The following MAGI1 variants were observed in gnomAD, a reference collection of about 807,000 sequenced individuals.
MAGI1 encodes the protein membrane-associated guanylate kinase, WW and PDZ domain-containing protein 1.
A neutral mutation model predicts 139.9 loss-of-function variants in MAGI1; 58 were observed. That is an observed-to-expected ratio of 0.41 (90% confidence interval 0.34 to 0.52). The LOEUF is 0.52. MAGI1 is among the 20% of genes least tolerant of loss of function. MAGI1 has a pLI of 0.12. For synonymous variants in MAGI1, 812 were observed against 737.9 expected, an observed-to-expected ratio of 1.10 and a Z score of -1.63; for missense variants, 1,874 against 1,901.6, an observed-to-expected ratio of 0.99 and a Z score of 0.27.
intron 1 of MAGI1, among the ~76,000 whole-genome samples, chr3:65,872,033 G>A (rs866638093): frequency 1.3e-5 from 2 of 152,170 alleles, no homozygotes; most frequent in South Asian, 4.1e-4. Flanking sequence ...CTACTAACCA[G>A]TTGTGTAACC....
At chr3:65,836,004 T>C (rs756201559) in intron 1 of MAGI1, among the ~76,000 whole-genome samples, 69 of 152,170 alleles carry the variant, frequency 4.5e-4, no homozygotes, top group Non-Finnish European at 7.6e-4. Context: ...AGCTGGGGGT[T>C]ACCTGCTCAA....
chr3:65,751,823 A>C (rs2036176391), intron 1 of MAGI1, among the ~76,000 whole-genome samples: 1 of 152,234 alleles, frequency 6.6e-6, no homozygotes, highest in Non-Finnish European at 1.5e-5. Flanking sequence ...GAGTCAAAAG[A>C]CTTGATCTCC....
At chr3:65,364,825 T>G in intron 19 of MAGI1, 28 bp downstream of exon 19, 1 of 1,613,064 alleles carries the variant, frequency 6.2e-7, no homozygotes, top group South Asian at 1.1e-5. Flanking sequence ...TTTTTCCCCT[T>G]TAACAAAGGA....
intron 1 of MAGI1, among the ~76,000 whole-genome samples, chr3:65,695,025 T>A (rs1253588267): frequency 6.6e-6 from 1 of 152,202 alleles, no homozygotes; most frequent in Non-Finnish European, 1.5e-5. Context: ...GTAAATTAGA[T>A]GGGCATTTAT....
At chr3:65,659,957 C>G (rs1032714307) in intron 1 of MAGI1, among the ~76,000 whole-genome samples, 1 of 152,100 alleles carries the variant, frequency 6.6e-6, no homozygotes, top group Admixed American at 6.6e-5. Context: ...TATGACCCAC[C>G]CAGAACCATA....
At chr3:65,477,724 TA>T (rs1358032532) in intron 4 of MAGI1, among the ~76,000 whole-genome samples, 3 of 147,336 alleles carry the variant, frequency 2.0e-5, no homozygotes, top group African/African-American at 7.4e-5. Context: ...TTTTTTTTTT[TA>T]TTTATATTTT....
chr3:66,011,600 G>C (rs1435741465), intron 1 of MAGI1, among the ~76,000 whole-genome samples: 6 of 152,084 alleles, frequency 3.9e-5, no homozygotes, highest in Non-Finnish European at 7.4e-5. Flanking sequence ...TTGTTGACTT[G>C]AGGGTATACA....
At chr3:65,499,032 T>C (rs1020998227) in intron 2 of MAGI1, 1 of 978,422 alleles carries the variant, frequency 1.0e-6, no homozygotes, top group African/African-American at 1.8e-5. Flanking sequence ...CAGCATGACA[T>C]CTCAAACAGA....
At chr3:65,856,112 A>G (rs9832698) in intron 1 of MAGI1, among the ~76,000 whole-genome samples, 55,321 of 152,012 alleles carry the variant, frequency 0.36, 10,570 homozygotes, top group Middle Eastern at 0.45. Flanking sequence ...ACTGGGTGGG[A>G]GGAGTATTTT....
At chr3:65,692,486 C>T (rs1412643994) in intron 1 of MAGI1, among the ~76,000 whole-genome samples, 2 of 152,186 alleles carry the variant, frequency 1.3e-5, no homozygotes, top group Non-Finnish European at 2.9e-5. Flanking sequence ...GTGGCCTTGA[C>T]TTACCCTACA....
chr3:65,539,013 C>G (rs2079084971), intron 2 of MAGI1, among the ~76,000 whole-genome samples: 1 of 151,854 alleles, frequency 6.6e-6, no homozygotes, highest in South Asian at 2.1e-4. Flanking sequence ...GTACCAACTA[C>G]CATCAAACAG....
chr3:65,473,639 CAAAA>C (rs35970775), intron 4 of MAGI1, among the ~76,000 whole-genome samples: 1 of 87,356 alleles, frequency 1.1e-5, no homozygotes, highest in Non-Finnish European at 2.1e-5. Flanking sequence ...TACATGTTTA[CAAAA>C]AAAAAAAAAA....
intron 1 of MAGI1, among the ~76,000 whole-genome samples, chr3:65,777,827 A>G (rs2038591136): frequency 6.6e-6 from 1 of 152,200 alleles, no homozygotes; most frequent in South Asian, 2.1e-4. Flanking sequence ...CATAGTTCCC[A>G]TTGCATACGT....
chr3:65,754,731 C>G (rs1365096268), intron 1 of MAGI1, among the ~76,000 whole-genome samples: 2 of 152,110 alleles, frequency 1.3e-5, no homozygotes, highest in Non-Finnish European at 2.9e-5. Flanking sequence ...ACCAAATATG[C>G]CAAGTTACAA....
chr3:65,432,665 T>C (rs1430476281), intron 10 of MAGI1, among the ~76,000 whole-genome samples: 1 of 152,124 alleles, frequency 6.6e-6, no homozygotes, highest in Admixed American at 6.5e-5. Context: ...GCCAAGGCGT[T>C]GGGAGGGTGG....
At chr3:65,545,707 A>G (rs1429232631) in intron 2 of MAGI1, among the ~76,000 whole-genome samples, 1 of 152,100 alleles carries the variant, frequency 6.6e-6, no homozygotes, top group Non-Finnish European at 1.5e-5. Context: ...GGCCTCCCTC[A>G]TGAGCAATCT....
intron 1 of MAGI1, among the ~76,000 whole-genome samples, chr3:66,035,594 A>C (rs1182437225): frequency 6.6e-6 from 1 of 152,162 alleles, no homozygotes; most frequent in Non-Finnish European, 1.5e-5. Context: ...TATTACATGA[A>C]ATAGTCACTT....
chr3:65,442,752 G>C (rs1474234564), intron 8 of MAGI1, 40 bp downstream of exon 8: 4 of 1,433,990 alleles, frequency 2.8e-6, no homozygotes, highest in East Asian at 2.3e-5. Flanking sequence ...TAATTATAGA[G>C]AGGTATAAAC....
intron 1 of MAGI1, among the ~76,000 whole-genome samples, chr3:65,927,218 G>A (rs547056728): frequency 1.1e-4 from 16 of 151,978 alleles, no homozygotes; most frequent in South Asian, 6.3e-4. Flanking sequence ...CTATGAATTC[G>A]CCTCAAATTC....
Sources: allele counts gnomAD v4.1 joint callset (sites outside exome capture counted in the v4.1 genomes callset), GRCh38; gene constraint gnomAD v4.1.1; transcripts MANE v1.5; gene names NCBI Gene and HGNC (gene_info 2026-07-23, HGNC 2026-07-21).